The following DOCK2 variants were observed in gnomAD, a reference collection of about 807,000 sequenced individuals.
DOCK2 encodes dedicator of cytokinesis protein 2.
In DOCK2, 87 loss-of-function variants were observed where a neutral mutation model predicts 248.9. The ratio of observed to expected loss-of-function variants is 0.35; its 90% CI spans 0.29 to 0.42. DOCK2 has a LOEUF of 0.42. Among genes scored for constraint, DOCK2 ranks in the 10% least tolerant of loss-of-function variants. DOCK2 has a pLI of 1.00. For missense variants in DOCK2, 1,747 were observed against 2,300.2 expected (o/e 0.76, Z 4.92); for synonymous variants, 805 against 821.6 (o/e 0.98, Z 0.35).
chr5:170,060,353 G>A (rs1232130888), intron 44 of DOCK2, among the ~76,000 whole-genome samples: 1 of 152,144 alleles, frequency 6.6e-6, no homozygotes, highest in Non-Finnish European at 1.5e-5. Flanking sequence ...AGGGACCTTA[G>A]GTGTCTTTTA....
In DOCK2 at chr5:169,702,418, A is replaced by G. The variant is rs2306559; in HGVS notation, c.1374A>G (p.Lys458=). ...TGTGTGTGTGCGCGGAGGATGGCAA[A>G]ACGCTGCCTGTAAGGGACTCACTGC... ...VIMCVCAEDG[K]TLPNAICVGA... is the part of the protein sequence containing the mutation. Residue 458 remains lysine, a synonymous_variant, in exon 14 of 52, where the codon AAA becomes AAG. Transcript: ENST00000520908. The G allele has an allele frequency of 0.43, 695,686 of 1,613,106 alleles. 155,424 individuals carry two copies. Among genetic ancestry groups the G allele is most frequent in the East Asian group, 0.69 (30,691 of 44,790 alleles).
chr5:169,964,893 T>A (rs1777238137), intron 27 of DOCK2, among the ~76,000 whole-genome samples: 1 of 152,250 alleles, frequency 6.6e-6, no homozygotes, highest in African/African-American at 2.4e-5. Flanking sequence ...ATAGCACATG[T>A]GCAAATAAAG....
chr5:169,702,671 TTGTATGTA>T (rs58478617), intron 14 of DOCK2: 23 of 318,936 alleles, frequency 7.2e-5, no homozygotes, highest in African/African-American at 5.1e-4. Context: ...CAACTTCTTC[TTGTATGTA>T]TGTATGTATG....
At chr5:170,027,762 T>C in intron 33 of DOCK2, 101 bp from the exon 34 acceptor site, 1 of 1,086,768 alleles carries the variant, frequency 9.2e-7, no homozygotes, top group African/African-American at 1.6e-5. Context: ...ACCTGGGAGA[T>C]AAAGAGTGCT....
At chr5:169,663,525 T>G (rs4867874) in intron 2 of DOCK2, among the ~76,000 whole-genome samples, 90,546 of 152,108 alleles carry the variant, frequency 0.6, 27,290 homozygotes, top group South Asian at 0.72. Context: ...ACTTCTGCCT[T>G]GACATCCAGG....
chr5:169,970,980 G>C (rs1777481602), intron 27 of DOCK2, among the ~76,000 whole-genome samples: 1 of 152,088 alleles, frequency 6.6e-6, no homozygotes, highest in Admixed American at 6.5e-5. Flanking sequence ...TCCAAGACAG[G>C]GGAGGGTGGG....
At chr5:169,938,965 G>A (rs182068087) in intron 27 of DOCK2, among the ~76,000 whole-genome samples, 385 of 150,302 alleles carry the variant, frequency 2.6e-3, no homozygotes, top group African/African-American at 7.4e-3. Flanking sequence ...GTACAGTGGC[G>A]TGATCTCGGC....
chr5:170,057,120 T>A, intron 43 of DOCK2: 1 of 355,484 alleles, frequency 2.8e-6, no homozygotes, highest in South Asian at 2.8e-5. Context: ...AATGTAGTCA[T>A]CACTGTCCCC....
intron 37 of DOCK2, 115 bp downstream of exon 37, chr5:170,041,260 C>T: frequency 2.1e-6 from 2 of 949,704 alleles, no homozygotes; most frequent in East Asian, 2.6e-5. Flanking sequence ...TTGTTTTGCC[C>T]TGTGTCTCCA....
At chr5:169,733,359 G>A (rs1178082538) in intron 22 of DOCK2, among the ~76,000 whole-genome samples, 1 of 151,254 alleles carries the variant, frequency 6.6e-6, no homozygotes. Context: ...TAAATATCAT[G>A]CTAGAATTAT....
At position 169,921,658 on chromosome 5, in the gene DOCK2, C is replaced by T. The variant is rs1442830612; in HGVS notation, c.2800-61410C>T. 3.9e-5 allele frequency among the ~76,000 whole-genome samples: 6 copies of T among 152,298 alleles called. No homozygotes were observed. In the East Asian group the frequency reaches 1.2e-3, roughly 29 times the overall value. ...GTTTCACCTCATCAAAGAGCCCTTA[C>T]AGAGCTGTGGAGAGGAGCACTTGGG... On this transcript the variant is annotated intron_variant, in intron 27 of 51. Coordinates refer to ENST00000520908, the MANE Select transcript of DOCK2 (RefSeq NM_004946.3).
chr5:169,723,384 A>G (rs1762304846), intron 22 of DOCK2, among the ~76,000 whole-genome samples: 1 of 152,212 alleles, frequency 6.6e-6, no homozygotes, highest in African/African-American at 2.4e-5. Flanking sequence ...ATTTCCTCAT[A>G]TGTAACACGG....
chr5:170,082,740 T>C, intron 51 of DOCK2, 56 bp from the exon 52 acceptor site: 1 of 1,608,284 alleles, frequency 6.2e-7, no homozygotes, highest in South Asian at 1.1e-5. Context: ...AGCTCCATTT[T>C]GGTGCTTAAT....
intron 34 of DOCK2, among the ~76,000 whole-genome samples, chr5:170,029,268 C>T (rs1434271787): frequency 1.3e-5 from 2 of 152,212 alleles, no homozygotes; most frequent in African/African-American, 2.4e-5. Flanking sequence ...ATTACAGCCA[C>T]CCCAGCGGGT....
At chr5:169,639,229 T>C (rs75170337) in intron 1 of DOCK2, among the ~76,000 whole-genome samples, 2 of 152,328 alleles carry the variant, frequency 1.3e-5, no homozygotes, top group Non-Finnish European at 2.9e-5. Flanking sequence ...GCCTGGTTAA[T>C]CTAGCAGGAG....
intron 40 of DOCK2, 128 bp downstream of exon 40, chr5:170,047,742 C>A (rs1054774953): frequency 5.3e-6 from 4 of 754,948 alleles, no homozygotes; most frequent in Non-Finnish European, 8.4e-6. Flanking sequence ...GTGCTGCCCC[C>A]ATCCCCAGGA....
chr5:169,861,121 C>T (rs1199631804), intron 27 of DOCK2, among the ~76,000 whole-genome samples: 8 of 152,114 alleles, frequency 5.3e-5, no homozygotes, highest in Non-Finnish European at 2.9e-5. Context: ...TCACGGGACA[C>T]GCGGGGCTTC....
chr5:169,685,596 T>C (rs927170831), intron 8 of DOCK2, among the ~76,000 whole-genome samples: 4 of 152,018 alleles, frequency 2.6e-5, no homozygotes, highest in Admixed American at 6.6e-5. Context: ...GTGGGAAAAA[T>C]GGATAAAATG....
chr5:169,921,394 G>A (rs992608349), intron 27 of DOCK2, among the ~76,000 whole-genome samples: 36 of 152,256 alleles, frequency 2.4e-4, no homozygotes, highest in Non-Finnish European at 4.4e-4. Flanking sequence ...CAGAAAAATC[G>A]ATGAGTCTAG....
Sources: gnomAD v4.1 joint callset for allele counts (sites outside exome capture counted in the v4.1 genomes callset) on GRCh38, gnomAD v4.1.1 for gene constraint, MANE v1.5 for transcripts, NCBI Gene and HGNC (gene_info 2026-07-23, HGNC 2026-07-21) for gene names.